The following FYB1 variants were observed in gnomAD, a reference collection of about 807,000 sequenced individuals.
FYB1 encodes the protein FYN binding protein 1.
Under a neutral mutation model 94.1 loss-of-function variants are expected in FYB1, and 41 were observed. The observed-to-expected ratio is 0.44, with a 90% confidence interval of 0.34 to 0.57. FYB1 has a LOEUF of 0.57. Ranked by LOEUF, FYB1 falls within the 20% of genes least tolerant of loss-of-function variation. FYB1 has a pLI of 0.02. For synonymous variants in FYB1, 367 were observed against 353.2 expected (o/e 1.04, Z -0.44); for missense variants, 1,050 against 976.8 (o/e 1.07, Z -1.00).
At chr5:39,270,542 A>G (rs1192004611) in intron 1 of FYB1, 3 of 1,532,388 alleles carry the variant, frequency 2.0e-6, no homozygotes, top group Non-Finnish European at 2.6e-6. Context: ...CAGGAGACCA[A>G]GGAGAGTTAT....
At chr5:39,127,884 A>T in intron 10 of FYB1, 77 bp from the exon 11 acceptor site, 1 of 1,367,592 alleles carries the variant, frequency 7.3e-7, no homozygotes, top group Non-Finnish European at 9.9e-7. Context: ...TTTTAATTGT[A>T]AATCTTCCTT....
intron 1 of FYB1, among the ~76,000 whole-genome samples, chr5:39,249,333 T>C (rs1371411150): frequency 6.6e-6 from 1 of 152,250 alleles, no homozygotes; most frequent in South Asian, 2.1e-4. Context: ...TGAGACCACA[T>C]GGTCTTTGCT....
chr5:39,244,603 T>G (rs947004463), intron 1 of FYB1, among the ~76,000 whole-genome samples: 10 of 139,748 alleles, frequency 7.2e-5, no homozygotes, highest in Admixed American at 4.7e-4. Flanking sequence ...AAAATTCTCT[T>G]TTTTTGTTGT....
At chr5:39,165,982 G>C (rs1304422908) in intron 2 of FYB1, among the ~76,000 whole-genome samples, 2 of 152,204 alleles carry the variant, frequency 1.3e-5, no homozygotes, top group African/African-American at 4.8e-5. Context: ...AATAAGAGAT[G>C]TGGGCAAGGA....
chr5:39,172,152 A>G (rs79616817), intron 2 of FYB1, among the ~76,000 whole-genome samples: 5,526 of 152,280 alleles, frequency 0.036, 346 homozygotes, highest in African/African-American at 0.13. Context: ...CCCTTTTTAA[A>G]AAAATAATTT....
At chr5:39,180,456 T>C (rs905029741) in intron 2 of FYB1, among the ~76,000 whole-genome samples, 9 of 152,192 alleles carry the variant, frequency 5.9e-5, no homozygotes, top group Non-Finnish European at 1.2e-4. Context: ...GCATATGTGA[T>C]GAGCATATGC....
chr5:39,143,999 A>G (rs1742417724), intron 3 of FYB1, among the ~76,000 whole-genome samples: 1 of 152,236 alleles, frequency 6.6e-6, no homozygotes, highest in Non-Finnish European at 1.5e-5. Context: ...AATTAAATAC[A>G]GACATGATGG....
chr5:39,262,491 C>A (rs1752265640), intron 1 of FYB1, among the ~76,000 whole-genome samples: 1 of 152,080 alleles, frequency 6.6e-6, no homozygotes, highest in Admixed American at 6.5e-5. Context: ...ATAAATATGA[C>A]AATGTCAAGT....
intron 1 of FYB1, among the ~76,000 whole-genome samples, chr5:39,209,197 G>T (rs913262521): frequency 6.6e-6 from 1 of 152,090 alleles, no homozygotes; most frequent in Non-Finnish European, 1.5e-5. Context: ...TCCGACTTAA[G>T]AGTTAACGGT....
chr5:39,160,383 A>G (rs1744140379), intron 2 of FYB1, among the ~76,000 whole-genome samples: 1 of 152,224 alleles, frequency 6.6e-6, no homozygotes, highest in Admixed American at 6.5e-5. Flanking sequence ...TTTTCCTCAA[A>G]TTAGTCATGT....
rs1008642742 is a variant in FYB1, at chr5:39,219,481, T to C, written c.-66A>G. ...AAGAAGGCGGAAGGATGGCCTCCTT[T>C]AGTGGATCTTCCTGGGCCAGGGTCT... On this transcript the variant is annotated 5_prime_UTR_variant, in exon 1 of 19. Transcript: ENST00000512982. 1.0e-6 allele frequency: 1 copy of C among 985,514 alleles called. No homozygotes were observed. The highest frequency in any genetic ancestry group is 1.7e-5 in the African/African-American group (1 of 57,376). The allele number at this position is 985,514 out of a possible 1,614,324, so 61.0% of individuals were successfully genotyped here.
rs140582312 is a variant in FYB1, at chr5:39,254,326, T to C, written c.-28+20077A>G. On this transcript the variant is annotated intron_variant, in intron 1 of 1. Coordinates refer to the FYB1 transcript ENST00000510188. ...CACTCCCATCAAAGGTGTATAAGCG[T>C]TCTTTTTTCTCCACAACCTAGCCAG... Among the ~76,000 whole-genome samples the C allele has an allele frequency of 3.2e-3, 489 of 152,298 alleles. 7 individuals carry two copies. The highest frequency in any genetic ancestry group is 0.011 in the African/African-American group (476 of 41,570).
intron 1 of FYB1, among the ~76,000 whole-genome samples, chr5:39,243,536 G>T (rs1427589365): frequency 7.2e-5 from 11 of 151,998 alleles, no homozygotes; most frequent in South Asian, 2.1e-4. Context: ...CTGTTTTGGT[G>T]ACTGTAGCCT....
At chr5:39,193,729 C>T (rs533653708) in intron 2 of FYB1, among the ~76,000 whole-genome samples, 1 of 152,308 alleles carries the variant, frequency 6.6e-6, no homozygotes, top group South Asian at 2.1e-4. Context: ...ACACGAGAGG[C>T]AGAAGGGGGA....
chr5:39,185,403 TC>T (rs1402747015), intron 2 of FYB1, among the ~76,000 whole-genome samples: 1 of 151,588 alleles, frequency 6.6e-6, no homozygotes, highest in Admixed American at 6.6e-5. Flanking sequence ...ACCAATGTTT[TC>T]CCCCTTAGAT....
chr5:39,208,130 T>C (rs569846481), intron 1 of FYB1, among the ~76,000 whole-genome samples: 1 of 152,320 alleles, frequency 6.6e-6, no homozygotes, highest in African/African-American at 2.4e-5. Flanking sequence ...TTTGAAAGTC[T>C]CATCTTTAGA....
chr5:39,180,991 A>G (rs952166288), intron 2 of FYB1, among the ~76,000 whole-genome samples: 1 of 152,198 alleles, frequency 6.6e-6, no homozygotes, highest in African/African-American at 2.4e-5. Flanking sequence ...TCACTCACTC[A>G]TTCGTTCAAC....
chr5:39,122,864 T>C (rs1740261387), intron 13 of FYB1, among the ~76,000 whole-genome samples: 1 of 152,162 alleles, frequency 6.6e-6, no homozygotes, highest in Admixed American at 6.6e-5. Flanking sequence ...TTCCTTCGCC[T>C]CATTGATCTG....
At chr5:39,247,982 A>G (rs942806098) in intron 1 of FYB1, among the ~76,000 whole-genome samples, 4 of 152,056 alleles carry the variant, frequency 2.6e-5, no homozygotes, top group Non-Finnish European at 5.9e-5. Context: ...AGAAAGAGTC[A>G]AAGCAAGCAC....
Sources: allele counts gnomAD v4.1 joint callset (sites outside exome capture counted in the v4.1 genomes callset), GRCh38; gene constraint gnomAD v4.1.1; transcripts MANE v1.5; gene names NCBI Gene and HGNC (gene_info 2026-07-23, HGNC 2026-07-21).